RESF1: variants seen among roughly 807,000 people sequenced by gnomAD.
The protein encoded by RESF1 is gonad expressed transcript.
Under a neutral mutation model 134.7 loss-of-function variants are expected in RESF1, and 65 were observed. The ratio of observed to expected loss-of-function variants is 0.48; its 90% CI spans 0.40 to 0.59. RESF1 has a LOEUF of 0.59. Ranked by LOEUF, RESF1 falls within the 20% of genes least tolerant of loss-of-function variation. The probability of loss-of-function intolerance (pLI) is 0.00; values close to 1 mark genes in which losing one functional copy is unlikely to be tolerated. For synonymous variants in RESF1, 762 were observed against 702.2 expected, an observed-to-expected ratio of 1.09 and a Z score of -1.35; for missense variants, 2,274 against 2,002.7, an observed-to-expected ratio of 1.14 and a Z score of -2.59.
chr12:31,975,126 G>T (rs936867995), intron 3 of RESF1, among the ~76,000 whole-genome samples: 1 of 151,798 alleles, frequency 6.6e-6, no homozygotes, highest in South Asian at 2.1e-4. Flanking sequence ...TATAAAAAAT[G>T]AGTCAGGCAT....
At chr12:31,960,461 C>T (rs1232435019) in intron 1 of RESF1, among the ~76,000 whole-genome samples, 1 of 152,060 alleles carries the variant, frequency 6.6e-6, no homozygotes, top group African/African-American at 2.4e-5. Context: ...AGGTTTTTTC[C>T]CCTGTGCAGT....
In RESF1 at chr12:31,985,769, G is replaced by C; in HGVS notation, c.4814G>C (p.Arg1605Thr). Residue 1605 changes from arginine (R) to threonine (T), a missense_variant, in exon 4 of 6, where the codon AGG (arginine) becomes ACG (threonine). Coordinates refer to ENST00000312561, the MANE Select transcript of RESF1 (RefSeq NM_018169.4). ...CTCACCAAATTAGAAAGTTCACCCA[G>C]GAAGCTTCATAAAGATAAGAGACAG... ...ISLTKLESSPRKLHKDKRQEN... is the reference protein window; with the variant it reads ...ISLTKLESSPTKLHKDKRQEN... The C allele has an allele frequency of 6.4e-7, 1 of 1,570,068 alleles. No individual in the cohort carries two copies. Among genetic ancestry groups the C allele is most frequent in the Non-Finnish European group, 8.6e-7 (1 of 1,164,708 alleles).
rs776063585 is a variant in RESF1, at chr12:31,983,560, C to T, written c.2605C>T (p.Pro869Ser). ...CAAATTAGAGTCAGCTATCCATTCT[C>T]CTATGAACGATCAGCAAATCTCACA... ...HNKLESAIHSPMNDQQISQES... is the reference protein window; with the variant it reads ...HNKLESAIHSSMNDQQISQES... Residue 869 changes from proline (P) to serine (S), a missense_variant, in exon 4 of 6, where the codon CCT becomes TCT. By Grantham distance (74) the Pro-to-Ser change is moderately conservative (BLOSUM62 -1). Coordinates refer to ENST00000312561, the MANE Select transcript of RESF1 (RefSeq NM_018169.4). 3 of 1,613,944 alleles carry T rather than the reference C, an allele frequency of 1.9e-6. No homozygotes were observed. The highest frequency in any genetic ancestry group is 1.3e-5 in the African/African-American group (1 of 74,918).
At chr12:31,991,219 A>G (rs909727451) in intron 5 of RESF1, among the ~76,000 whole-genome samples, 1 of 150,440 alleles carries the variant, frequency 6.6e-6, no homozygotes, top group Non-Finnish European at 1.5e-5. Flanking sequence ...AACCCACAGG[A>G]GAAACAGATG....
At position 31,985,719 on chromosome 12, in the gene RESF1, A is replaced by G; in HGVS notation, c.4764A>G (p.Lys1588=). The stretch of plus-strand genomic sequence containing the variant: ...TATATCTGAATAGAGTTGGGTTTAA[A>G]TGCACTGAACGTGAAAGCATTTCTC... ...KKLYLNRVGF[K]CTERESISLT... Residue 1588 remains lysine (K), a synonymous_variant, in exon 4 of 6, where the codon AAA becomes AAG. Transcript: ENST00000312561. 1 of 1,602,382 alleles carries G rather than the reference A, an allele frequency of 6.2e-7. No homozygotes were observed. The highest frequency in any genetic ancestry group is 8.5e-7 in the Non-Finnish European group (1 of 1,177,130).
Position 31,983,672 on chromosome 12 carries a change from A to G in RESF1, c.2717A>G (p.Asn906Ser), listed in dbSNP as rs762168351. Reference protein sequence around the residue: ...CSLVEGDTSYNSQIAKIFSSL... With the variant: ...CSLVEGDTSYSSQIAKIFSSL... ...CTGGTTGAAGGTGATACCTCTTACA[A>G]TTCCCAAATAGCAAAGATATTCAGC... The change falls in exon 4 of 6, where the codon AAT (asparagine) becomes AGT (serine). Residue 906 changes from asparagine to serine, a missense_variant. Coordinates refer to ENST00000312561, the MANE Select transcript of RESF1 (RefSeq NM_018169.4). 5.0e-6 allele frequency: 8 copies of G among 1,613,994 alleles called. No homozygotes were observed. The highest frequency in any genetic ancestry group is 3.3e-5 in the South Asian group (3 of 91,082).
At chr12:31,964,543 T>A (rs1939356096) in intron 2 of RESF1, among the ~76,000 whole-genome samples, 1 of 152,294 alleles carries the variant, frequency 6.6e-6, no homozygotes, top group Admixed American at 6.5e-5. Flanking sequence ...TGATGGGCAT[T>A]TAGGTTGATT....
In RESF1 at chr12:31,986,662, A is replaced by G. The variant is rs114893440; in HGVS notation, c.5003-577A>G. ...GGAGAAAATTGATAACTAGTTGTTCATGGTACTAAGGGAACATTTAGACAT... is the reference window on the plus strand; with the variant it reads ...GGAGAAAATTGATAACTAGTTGTTCGTGGTACTAAGGGAACATTTAGACAT... On this transcript the variant is annotated intron_variant, in intron 4 of 5. Transcript: ENST00000312561. 5.0e-3 allele frequency among the ~76,000 whole-genome samples: 764 copies of G among 152,334 alleles called. 5 individuals carry two copies. The highest frequency in any genetic ancestry group is 0.016 in the African/African-American group (667 of 41,580).
intron 3 of RESF1, among the ~76,000 whole-genome samples, chr12:31,971,372 T>G (rs1293455463): frequency 2.0e-5 from 3 of 152,154 alleles, no homozygotes; most frequent in Non-Finnish European, 4.4e-5. Flanking sequence ...GAATTCCTGA[T>G]CTCAGGTAAT....
chr12:31,979,327 A>G (rs1939716807), intron 3 of RESF1, among the ~76,000 whole-genome samples: 1 of 152,154 alleles, frequency 6.6e-6, no homozygotes, highest in Admixed American at 6.5e-5. Flanking sequence ...GACACTGTCT[A>G]CCTGATGTTA....
rs1195273439 is a variant in RESF1 at position 31,982,906 on chromosome 12, A to G, written c.1951A>G (p.Ser651Gly). ...SGRVLDNSFC[S>G]GQESSTKGMP... ...CAGGGTTTTGGACAACTCCTTTTGC[A>G]GTGGACAAGAATCCTCAACAAAAGG... The change falls in exon 4 of 6, where the codon AGT becomes GGT. Residue 651 changes from serine to glycine, a missense_variant. Physicochemically the swap from Ser to Gly is moderately conservative, Grantham distance 56. Coordinates refer to ENST00000312561, the MANE Select transcript of RESF1 (RefSeq NM_018169.4). 2.5e-6 allele frequency: 4 copies of G among 1,614,112 alleles called. No individual in the cohort carries two copies. The highest frequency in any genetic ancestry group is 1.6e-4 in the Middle Eastern group (1 of 6,062).
rs547282803 is a variant in RESF1, at chr12:31,963,108, G to A, written c.-247+2237G>A. Among the ~76,000 whole-genome samples, 7 of 152,282 alleles carry A rather than the reference G, an allele frequency of 4.6e-5. No individual in the cohort carries two copies. In the South Asian group the frequency reaches 1.5e-3, roughly 32 times the overall value. On this transcript the variant is annotated intron_variant, in intron 2 of 5. Coordinates refer to ENST00000312561, the MANE Select transcript of RESF1 (RefSeq NM_018169.4). ...GGGCTGGTCGCAGTGGCTCACGCCT[G>A]TAATCCCAGCACTTTGGGAGGCCAA...
chr12:31,982,515 T>C lies in RESF1; in HGVS notation c.1560T>C (p.His520=). 1 of 1,613,656 alleles carries C rather than the reference T, an allele frequency of 6.2e-7. No individual in the cohort carries two copies. ...SEKRPMPDSS[H]DVKVLTSKTS... Reference sequence around the variant, plus strand: ...AGCGGCCAATGCCAGACTCATCTCATGATGTGAAAGTTCTCACTTCAAAGA... The same window carrying C: ...AGCGGCCAATGCCAGACTCATCTCACGATGTGAAAGTTCTCACTTCAAAGA... Residue 520 remains histidine (H), a synonymous_variant, in exon 4 of 6, where the codon CAT becomes CAC. Transcript: ENST00000312561.
rs752696045 is a variant in RESF1, at chr12:31,983,888, C to A, written c.2933C>A (p.Pro978His). Residue 978 changes from proline to histidine, a missense_variant, in exon 4 of 6, where the codon CCC becomes CAC. Transcript: ENST00000312561. Reference protein sequence around the residue: ...KICDQSKSEPPLESSFNNLET... With the variant: ...KICDQSKSEPHLESSFNNLET... ...TGTGATCAGTCAAAGTCAGAGCCAC[C>A]CTTAGAGTCATCTTTTAACAATCTT... The A allele has an allele frequency of 6.2e-7, 1 of 1,613,732 alleles. No individual in the cohort carries two copies. Among genetic ancestry groups the A allele is most frequent in the Non-Finnish European group, 8.5e-7 (1 of 1,180,010 alleles).
chr12:31,986,620 T>G (rs1939976545), intron 4 of RESF1, among the ~76,000 whole-genome samples: 1 of 152,186 alleles, frequency 6.6e-6, no homozygotes, highest in Admixed American at 6.5e-5. Flanking sequence ...GACTTCTCAA[T>G]GTAGTGCAGG....
chr12:31,968,282 A>G (rs1190181731), intron 2 of RESF1, among the ~76,000 whole-genome samples: 3 of 152,224 alleles, frequency 2.0e-5, no homozygotes, highest in Non-Finnish European at 4.4e-5. Context: ...TATTTTAGGT[A>G]TAAGAATAGT....
chr12:31,987,759 A>G (rs1022758434), intron 5 of RESF1, among the ~76,000 whole-genome samples: 3 of 151,414 alleles, frequency 2.0e-5, no homozygotes, highest in Non-Finnish European at 4.4e-5. Flanking sequence ...ATTTTGAGAC[A>G]GAGTCTCACT....
Position 31,985,583 on chromosome 12 carries a change from A to G in RESF1, c.4628A>G (p.Lys1543Arg). The G allele has an allele frequency of 6.2e-7, 1 of 1,602,476 alleles. No homozygotes were observed. The highest frequency in any genetic ancestry group is 8.5e-7 in the Non-Finnish European group (1 of 1,176,860). Residue 1543 changes from lysine (K) to arginine (R), a missense_variant, in exon 4 of 6, where the codon AAG becomes AGG. By Grantham distance (26) the Lys-to-Arg change is conservative (BLOSUM62 2). Coordinates refer to ENST00000312561, the MANE Select transcript of RESF1 (RefSeq NM_018169.4). ...LRNVKEKVGG[K>R]QPDKIWIDKT... ...AATGTTAAAGAAAAAGTTGGTGGGA[A>G]GCAGCCTGATAAAATATGGATTGAT... is the stretch of plus-strand genomic sequence containing the variant.
At chr12:31,967,667 GTT>G (rs201845090) in intron 2 of RESF1, among the ~76,000 whole-genome samples, 1 of 52,670 alleles carries the variant, frequency 1.9e-5, no homozygotes, top group African/African-American at 7.6e-5. Flanking sequence ...GGGGATTTTT[GTT>G]TTTTTTGTGT....
Sources: allele counts gnomAD v4.1 joint callset (sites outside exome capture counted in the v4.1 genomes callset), GRCh38; gene constraint gnomAD v4.1.1; transcripts MANE v1.5; gene names NCBI Gene and HGNC (gene_info 2026-07-23, HGNC 2026-07-21).